UBA3: variants seen among roughly 807,000 people sequenced by gnomAD.
UBA3 encodes the protein ubiquitin like modifier activating enzyme 3.
Under a neutral mutation model 73.5 loss-of-function variants are expected in UBA3, and 26 were observed. The observed-to-expected ratio is 0.35, with a 90% CI of 0.26 to 0.49. UBA3 has a LOEUF of 0.49. UBA3 is among the 20% of genes least tolerant of loss of function. The pLI is 0.98. For missense variants in UBA3, 495 were observed against 555.6 expected, an observed-to-expected ratio of 0.89 and a Z score of 1.10; for synonymous variants, 217 against 191.2, an observed-to-expected ratio of 1.13 and a Z score of -1.11.
chr3:69,066,441 T>C (rs2092072178), intron 6 of UBA3, among the ~76,000 whole-genome samples: 1 of 127,232 alleles, frequency 7.9e-6, no homozygotes, highest in South Asian at 2.6e-4. Flanking sequence ...TATGGTTTTT[T>C]GTGTTTTTTT....
intron 4 of UBA3, among the ~76,000 whole-genome samples, chr3:69,074,537 T>C (rs1399841929): frequency 1.3e-5 from 2 of 152,258 alleles, no homozygotes; most frequent in Non-Finnish European, 2.9e-5. Flanking sequence ...AATGTGGCTA[T>C]GTTTATATTT....
chr3:69,067,816 A>G (rs970663418), intron 6 of UBA3, 112 bp downstream of exon 6: 4 of 666,460 alleles, frequency 6.0e-6, no homozygotes, highest in African/African-American at 1.9e-5. Flanking sequence ...TAAAGTTACT[A>G]CTGCTGACTT....
intron 5 of UBA3, among the ~76,000 whole-genome samples, chr3:69,069,770 T>C (rs1476205272): frequency 6.6e-6 from 1 of 152,228 alleles, no homozygotes; most frequent in African/African-American, 2.4e-5. Flanking sequence ...ATTCAATGGC[T>C]CCACACACAG....
intron 2 of UBA3, among the ~76,000 whole-genome samples, chr3:69,078,501 T>A (rs563745255): frequency 1.3e-5 from 2 of 152,240 alleles, no homozygotes; most frequent in East Asian, 3.9e-4. Context: ...TGTGACAGAG[T>A]CTCACTGTGT....
Position 69,055,301 on chromosome 3 carries a change from G to T in UBA3, c.*136C>A. 1.9e-6 allele frequency: 1 copy of T among 525,030 alleles called. No homozygotes were observed. The highest frequency in any genetic ancestry group is 3.2e-6 in the Non-Finnish European group (1 of 313,096). The allele number at this position is 525,030 out of a possible 1,614,324, so 32.5% of individuals were successfully genotyped here. ...TCTGTCTTCAAGGGAAGGTTACAAA[G>T]TTAAAAAAGAGTGGTTCATTATATA... On this transcript the variant is annotated 3_prime_UTR_variant, in exon 18 of 18. Transcript: ENST00000361055.
intron 11 of UBA3, 72 bp downstream of exon 11, chr3:69,061,742 G>A (rs568528074): frequency 4.1e-5 from 39 of 950,412 alleles, no homozygotes; most frequent in East Asian, 3.9e-4. Flanking sequence ...CTCACTTATC[G>A]ATTATTCTCC....
intron 4 of UBA3, among the ~76,000 whole-genome samples, chr3:69,072,433 G>T (rs758924759): frequency 6.6e-6 from 1 of 152,172 alleles, no homozygotes; most frequent in Non-Finnish European, 1.5e-5. Context: ...CACAGAAACT[G>T]TACTTGTCAA....
At chr3:69,057,370 T>G in intron 11 of UBA3, 61 bp from the exon 12 acceptor site, 1 of 1,433,720 alleles carries the variant, frequency 7.0e-7, no homozygotes, top group Non-Finnish European at 9.6e-7. Context: ...TTCTCTTAAA[T>G]TAGAAGGCAT....
chr3:69,079,822 G>C, intron 2 of UBA3: 1 of 433,358 alleles, frequency 2.3e-6, no homozygotes, highest in Non-Finnish European at 4.1e-6. Flanking sequence ...TGGAGGAAGA[G>C]GAGTGCACAA....
rs753706785 is a variant in UBA3 at position 69,061,866 on chromosome 3, T to C, written c.858A>G (p.Leu286=). 1 of 1,612,030 alleles carries C rather than the reference T, an allele frequency of 6.2e-7. No homozygotes were observed. Among genetic ancestry groups the C allele is most frequent in the Non-Finnish European group, 8.5e-7 (1 of 1,179,210 alleles). Residue 286 remains leucine (L), a synonymous_variant, in exon 11 of 18, where the codon CTA becomes CTG. Coordinates refer to ENST00000361055, the MANE Select transcript of UBA3 (RefSeq NM_003968.4). ...TAATATTATATTGTGATGCTCTCTC[T>C]AGGGATTTTTGGAAAATCCATTGTA... ...EHIQWIFQKS[L]ERASQYNIRG...
At chr3:69,062,318 C>T (rs1168603895) in intron 9 of UBA3, 139 bp from the exon 10 acceptor site, 1 of 642,586 alleles carries the variant, frequency 1.6e-6, no homozygotes, top group African/African-American at 1.8e-5. Flanking sequence ...AAATGCCTCT[C>T]AAACTATAAT....
chr3:69,055,661 G>A (rs1217680562), intron 17 of UBA3, 136 bp from the exon 18 acceptor site: 4 of 883,618 alleles, frequency 4.5e-6, no homozygotes, highest in Non-Finnish European at 6.9e-6. Context: ...AGTAATATTT[G>A]ATTTCTTAGA....
At chr3:69,078,090 A>G (rs951179713) in intron 2 of UBA3, among the ~76,000 whole-genome samples, 172 bp from the exon 3 acceptor site, 1 of 152,260 alleles carries the variant, frequency 6.6e-6, no homozygotes, top group South Asian at 2.1e-4. Context: ...TGCCTATTAT[A>G]CAATTCATTT....
intron 5 of UBA3, among the ~76,000 whole-genome samples, chr3:69,070,702 G>C (rs979337246): frequency 7.2e-5 from 11 of 152,162 alleles, no homozygotes; most frequent in Admixed American, 7.2e-4. Flanking sequence ...GCCCAGGCTG[G>C]AGTACAGTGG....
chr3:69,055,546 T>A, intron 17 of UBA3, 21 bp from the exon 18 acceptor site: 1 of 1,544,610 alleles, frequency 6.5e-7, no homozygotes, highest in Non-Finnish European at 8.7e-7. Context: ...AAAAATATTA[T>A]TAATACAAGC....
intron 2 of UBA3, 194 bp downstream of exon 2, chr3:69,079,918 A>G: frequency 1.8e-6 from 1 of 550,572 alleles, no homozygotes. Context: ...CGACGCCCGC[A>G]CCGGGCAGAT....
intron 3 of UBA3, among the ~76,000 whole-genome samples, chr3:69,076,059 G>C (rs1022512621): frequency 3.3e-5 from 5 of 152,050 alleles, no homozygotes; most frequent in Non-Finnish European, 5.9e-5. Context: ...GCCTTTTATT[G>C]TATGAAAGTT....
At chr3:69,079,969 G>T in intron 2 of UBA3, 143 bp downstream of exon 2, 1 of 699,506 alleles carries the variant, frequency 1.4e-6, no homozygotes, top group South Asian at 2.0e-5. Flanking sequence ...TGCGGGGCGG[G>T]GATCAGGGGA....
At chr3:69,079,897 C>G (rs988662268) in intron 2 of UBA3, 13 of 535,684 alleles carry the variant, frequency 2.4e-5, no homozygotes, top group Admixed American at 2.4e-4. Flanking sequence ...TGGGGCAGTA[C>G]AGCCTGGCCC....
Sources: allele counts gnomAD v4.1 joint callset (sites outside exome capture counted in the v4.1 genomes callset), GRCh38; gene constraint gnomAD v4.1.1; transcripts MANE v1.5; gene names NCBI Gene and HGNC (gene_info 2026-07-23, HGNC 2026-07-21).